Variants in C6 observed in about 807,000 individuals in gnomAD.
The protein encoded by C6 is complement component C6.
Under a neutral mutation model 112.9 loss-of-function variants are expected in C6, and 101 were observed. That is an observed-to-expected ratio of 0.89 (90% confidence interval 0.76 to 1.06). The LOEUF is 1.06. Ranked by LOEUF, C6 falls within the 50% of genes least tolerant of loss-of-function variation. The pLI is 0.00. For synonymous variants in C6, 431 were observed against 384.1 expected, an observed-to-expected ratio of 1.12 and a Z score of -1.43; for missense variants, 1,202 against 1,104.6, an observed-to-expected ratio of 1.09 and a Z score of -1.25.
At chr5:41,164,495 G>A (rs1747815680) in intron 9 of C6, among the ~76,000 whole-genome samples, 1 of 152,206 alleles carries the variant, frequency 6.6e-6, no homozygotes, top group Non-Finnish European at 1.5e-5. Context: ...AAGAACAGCA[G>A]AAATGAGAGA....
intron 3 of C6, among the ~76,000 whole-genome samples, chr5:41,200,477 G>C (rs565191745): frequency 8.5e-5 from 13 of 152,248 alleles, no homozygotes; most frequent in African/African-American, 3.1e-4. Context: ...ATTAATTAAT[G>C]GGTGTATTCT....
chr5:41,163,047 G>A (rs949732186), intron 9 of C6, among the ~76,000 whole-genome samples: 5 of 151,934 alleles, frequency 3.3e-5, no homozygotes, highest in African/African-American at 1.2e-4. Context: ...GGATCCTGAA[G>A]AAAGAGTAAG....
At chr5:41,157,543 T>C (rs1048715681) in intron 13 of C6, among the ~76,000 whole-genome samples, 3 of 152,226 alleles carry the variant, frequency 2.0e-5, no homozygotes, top group African/African-American at 7.2e-5. Context: ...AATGTGGCTG[T>C]GTTCCAATAA....
chr5:41,162,662 G>C (rs2042328), intron 9 of C6, among the ~76,000 whole-genome samples: 2,401 of 152,268 alleles, frequency 0.016, 73 homozygotes, highest in African/African-American at 0.055. Flanking sequence ...ATGAGCGATA[G>C]TTAGTGGCAT....
chr5:41,162,752 G>A (rs900362780), intron 9 of C6, among the ~76,000 whole-genome samples: 39 of 152,188 alleles, frequency 2.6e-4, no homozygotes, highest in African/African-American at 9.2e-4. Flanking sequence ...AGAATGATTA[G>A]GAAATGGATG....
At chr5:41,181,022 A>C (rs1749288571) in intron 7 of C6, among the ~76,000 whole-genome samples, 1 of 152,052 alleles carries the variant, frequency 6.6e-6, no homozygotes, top group African/African-American at 2.4e-5. Flanking sequence ...TATATAACAT[A>C]TAACAAAAAT....
At chr5:41,203,317 G>T in intron 1 of C6, 67 bp from the exon 2 acceptor site, 1 of 1,504,592 alleles carries the variant, frequency 6.6e-7, no homozygotes, top group Non-Finnish European at 9.2e-7. Flanking sequence ...AAGTCATCCT[G>T]AGTCAGAGAT....
intron 4 of C6, among the ~76,000 whole-genome samples, chr5:41,198,764 C>T (rs1750793427): frequency 1.3e-5 from 2 of 152,256 alleles, no homozygotes; most frequent in African/African-American, 4.8e-5. Flanking sequence ...TTATCATCTA[C>T]TGAATAAGAG....
chr5:41,235,391 A>T lies in C6; in HGVS notation c.-21+25803T>A, dbSNP rs1328877783. 2.1e-5 allele frequency among the ~76,000 whole-genome samples: 3 copies of T among 145,548 alleles called. No individual in the cohort carries two copies. The East Asian group carries it at 6.3e-4, about 31-fold the overall frequency. On this transcript the variant is annotated intron_variant, in intron 1 of 17. Transcript: ENST00000263413. ...GGTTTCCAATTTCATCCATGTCCCT[A>T]CAAAGGACATGAACTCATCAATTTT...
chr5:41,229,333 CTTT>C (rs35058762), intron 1 of C6, among the ~76,000 whole-genome samples: 5 of 140,716 alleles, frequency 3.6e-5, no homozygotes, highest in South Asian at 4.5e-4. Context: ...TCATTCAGAA[CTTT>C]TTTTTTTTTT....
rs1580033148 is a variant in C6 at position 41,149,819 on chromosome 5, G to C, written c.2381+116C>G. 9.1e-6 allele frequency: 7 copies of C among 773,066 alleles called. No homozygotes were observed. In the East Asian group the frequency reaches 1.8e-4, roughly 20 times the overall value. The allele number at this position is 773,066 out of a possible 1,614,324, so 47.9% of individuals were successfully genotyped here. ...AGCAGAGCACAGGAATATCAGTTAT[G>C]TGGAAAATTCATTTATTTCATGTCT... On this transcript the variant is annotated intron_variant, in intron 16 of 17. Coordinates refer to ENST00000337836, the MANE Select transcript of C6 (RefSeq NM_000065.5).
intron 1 of C6, among the ~76,000 whole-genome samples, chr5:41,253,517 TTC>T (rs1166031222): frequency 6.6e-6 from 1 of 152,190 alleles, no homozygotes; most frequent in Non-Finnish European, 1.5e-5. Context: ...TTTCCTCCTT[TTC>T]TTGAGGCCTA....
At chr5:41,159,838 TGTA>T (rs1437585991) in intron 11 of C6, among the ~76,000 whole-genome samples, 2 of 152,202 alleles carry the variant, frequency 1.3e-5, no homozygotes, top group Non-Finnish European at 2.9e-5. Flanking sequence ...TTATGAGCAT[TGTA>T]TATGTATTCT....
intron 10 of C6, 52 bp from the exon 11 acceptor site, chr5:41,160,419 G>C: frequency 7.1e-7 from 1 of 1,413,444 alleles, no homozygotes; most frequent in Non-Finnish European, 1.0e-6. Flanking sequence ...TTGGTAATAG[G>C]TTGCCATTAC....
At chr5:41,238,283 C>T (rs984454328) in intron 1 of C6, among the ~76,000 whole-genome samples, 3 of 144,630 alleles carry the variant, frequency 2.1e-5, no homozygotes, top group Non-Finnish European at 3.0e-5. Context: ...CAATCCTAAG[C>T]CAAAAGAACA....
chr5:41,230,500 T>C (rs969783459), intron 1 of C6, among the ~76,000 whole-genome samples: 1 of 152,132 alleles, frequency 6.6e-6, no homozygotes, highest in Admixed American at 6.6e-5. Flanking sequence ...CTTACTAGGA[T>C]TGGGAATTCC....
In C6 at chr5:41,149,323, A is replaced by G; in HGVS notation, c.2541T>C (p.Leu847=). The change falls in exon 17 of 18, where the codon CTT becomes CTC. Residue 847 remains leucine (L), a synonymous_variant. Coordinates refer to ENST00000337836, the MANE Select transcript of C6 (RefSeq NM_000065.5). ...CQDGRQLEWG[L]ERTRLSSNST... ...TGTTGGATGAAAGTCTTGTCCTTTC[A>G]AGACCCCATTCTAACTGGCGGCCGT... 6.2e-7 allele frequency: 1 copy of G among 1,614,108 alleles called. No individual in the cohort carries two copies. Among genetic ancestry groups the G allele is most frequent in the South Asian group, 1.1e-5 (1 of 91,078 alleles).
rs1054175717 is a variant in C6 at position 41,181,498 on chromosome 5, T to C, written c.788A>G (p.His263Arg). 15 of 1,613,826 alleles carry C rather than the reference T, an allele frequency of 9.3e-6. No individual in the cohort carries two copies. Among genetic ancestry groups the C allele is most frequent in the Non-Finnish European group, 1.3e-5 (15 of 1,179,832 alleles). Residue 263 changes from histidine (H) to arginine (R), a missense_variant, in exon 7 of 18, where the codon CAC becomes CGC. Transcript: ENST00000337836. ...DFYKDLTSLG[H>R]NENQQGSFSS... The stretch of plus-strand genomic sequence containing the variant: ...GAATGAGCCTTGTTGATTTTCATTG[T>C]GTCCAAGAGAAGTTAAATCCTTGTA...
At chr5:41,183,154 T>C (rs187577929) in intron 6 of C6, among the ~76,000 whole-genome samples, 28 of 152,332 alleles carry the variant, frequency 1.8e-4, no homozygotes, top group Admixed American at 1.6e-3. Flanking sequence ...CCTGAATTCA[T>C]ATTGGGAAGA....
Sources: allele counts gnomAD v4.1 joint callset (sites outside exome capture counted in the v4.1 genomes callset), GRCh38; gene constraint gnomAD v4.1.1; transcripts MANE v1.5; gene names NCBI Gene and HGNC (gene_info 2026-07-23, HGNC 2026-07-21).